TTC39B: variants seen among roughly 807,000 people sequenced by gnomAD.
TTC39B encodes tetratricopeptide repeat protein 39B.
Under a neutral mutation model 96.6 loss-of-function variants are expected in TTC39B, and 92 were observed. The ratio of observed to expected loss-of-function variants is 0.95; its 90% CI spans 0.80 to 1.13. TTC39B has a LOEUF of 1.13. Ranked by LOEUF, TTC39B falls within the 50% of genes most tolerant of loss-of-function variation. TTC39B has a pLI of 0.00. For synonymous variants in TTC39B, 367 were observed against 299.4 expected (o/e 1.23, Z -2.33); for missense variants, 955 against 809.3 (o/e 1.18, Z -2.18).
chr9:15,262,220 T>C (rs1161814398), intron 2 of TTC39B, among the ~76,000 whole-genome samples: 1 of 152,144 alleles, frequency 6.6e-6, no homozygotes, highest in African/African-American at 2.4e-5. Flanking sequence ...TGCCTCAGCC[T>C]CCTGAGTAGC....
intron 11 of TTC39B, among the ~76,000 whole-genome samples, chr9:15,190,219 G>A (rs1818778209): frequency 6.6e-6 from 1 of 151,764 alleles, no homozygotes; most frequent in South Asian, 2.1e-4. Flanking sequence ...TATGACAAAG[G>A]ACACTATTTT....
At position 15,203,843 on chromosome 9, in the gene TTC39B, C is replaced by T. The variant is rs765025786; in HGVS notation, c.739G>A (p.Ala247Thr). 2.5e-6 allele frequency: 4 copies of T among 1,613,418 alleles called. No homozygotes were observed. In the South Asian group the frequency reaches 3.3e-5, roughly 13 times the overall value. Residue 247 changes from alanine (A) to threonine (T), a missense_variant, in exon 7 of 20, where the codon GCT (alanine) becomes ACT (threonine). Ala to Thr is a moderately conservative substitution (Grantham distance 58). Transcript: ENST00000512701. Reference sequence around the variant, plus strand: ...ATTACCTGCACAAACGTGAGTGCAGCTTTCTGTAGGAGACACTCGGCATAA... The same window carrying T: ...ATTACCTGCACAAACGTGAGTGCAGTTTTCTGTAGGAGACACTCGGCATAA...
chr9:15,221,295 C>G (rs1019870970), intron 3 of TTC39B, among the ~76,000 whole-genome samples: 10 of 152,184 alleles, frequency 6.6e-5, no homozygotes, highest in African/African-American at 2.2e-4. Context: ...CTCCCTCCCA[C>G]CACTGACATG....
At chr9:15,246,748 A>T (rs1822297342) in intron 2 of TTC39B, among the ~76,000 whole-genome samples, 1 of 152,254 alleles carries the variant, frequency 6.6e-6, no homozygotes, top group South Asian at 2.1e-4. Context: ...CCCAGCTGAC[A>T]ACCAATACTA....
rs758703117 is a variant in TTC39B, at chr9:15,211,216, A to G, written c.614+50T>C. 2.2e-6 allele frequency: 3 copies of G among 1,386,990 alleles called. No homozygotes were observed. In the African/African-American group the frequency reaches 4.5e-5, roughly 21 times the overall value. The allele number at this position is 1,386,990 out of a possible 1,614,324, so 85.9% of individuals were successfully genotyped here. On this transcript the variant is annotated intron_variant, in intron 5 of 19. Transcript: ENST00000512701. ...GCAAATGACATTATTTTTGTCACAC[A>G]GGCATAAAAGTTTGCAGTCACATCT...
intron 1 of TTC39B, among the ~76,000 whole-genome samples, chr9:15,302,417 C>A (rs967098241): frequency 6.7e-6 from 1 of 149,478 alleles, no homozygotes; most frequent in Non-Finnish European, 1.5e-5. Flanking sequence ...GAGTTCGAGA[C>A]CAGCCTGGCC....
intron 2 of TTC39B, among the ~76,000 whole-genome samples, chr9:15,255,711 T>C (rs946125513): frequency 1.3e-5 from 2 of 152,192 alleles, no homozygotes; most frequent in Non-Finnish European, 2.9e-5. Flanking sequence ...GAGTCAGCCC[T>C]TCAGAGAAAA....
intron 2 of TTC39B, among the ~76,000 whole-genome samples, chr9:15,235,501 G>A (rs1408118169): frequency 6.6e-6 from 1 of 152,060 alleles, no homozygotes; most frequent in Non-Finnish European, 1.5e-5. Flanking sequence ...CTTCACCAAG[G>A]CATATAGTCA....
In TTC39B at chr9:15,191,171, C is replaced by T. The variant is rs74993542; in HGVS notation, c.996+19G>A. The T allele has an allele frequency of 3.2e-6, 5 of 1,543,748 alleles. No individual in the cohort carries two copies. Among genetic ancestry groups the T allele is most frequent in the African/African-American group, 2.7e-5 (2 of 73,032 alleles). On this transcript the variant is annotated intron_variant, in intron 10 of 19. Coordinates refer to ENST00000512701, the Ensembl canonical transcript of TTC39B. ...GTCTTATCTTCCCTGTCAAAATTAA[C>T]ATAAAATTAAATTTGTACCCTATTC...
chr9:15,226,461 T>C (rs937276970), intron 2 of TTC39B, among the ~76,000 whole-genome samples: 3 of 152,232 alleles, frequency 2.0e-5, no homozygotes, highest in Non-Finnish European at 2.9e-5. Context: ...TCATAGCATC[T>C]GCAACATGCT....
chr9:15,179,399 T>C (rs1165023265), intron 17 of TTC39B, among the ~76,000 whole-genome samples: 2 of 152,188 alleles, frequency 1.3e-5, no homozygotes, highest in Non-Finnish European at 2.9e-5. Context: ...CACTTGACTA[T>C]GGAGATTAAC....
At chr9:15,232,581 G>A (rs1249982205) in intron 2 of TTC39B, 1 of 152,216 alleles carries the variant, frequency 6.6e-6, no homozygotes, top group South Asian at 2.1e-4. Context: ...CTGCAAGCAA[G>A]CTCAATGAGA....
At chr9:15,286,933 T>C (rs1003009868) in intron 1 of TTC39B, among the ~76,000 whole-genome samples, 2 of 152,248 alleles carry the variant, frequency 1.3e-5, no homozygotes, top group Non-Finnish European at 2.9e-5. Flanking sequence ...TCTCACAATT[T>C]ATCCCATCTC....
At chr9:15,234,650 T>C (rs1586932504) in intron 2 of TTC39B, among the ~76,000 whole-genome samples, 1 of 151,886 alleles carries the variant, frequency 6.6e-6, no homozygotes, top group Admixed American at 6.6e-5. Flanking sequence ...TAGGGAGAAG[T>C]AGACATGGGA....
chr9:15,210,168 C>T lies in TTC39B; in HGVS notation c.615-4G>A, dbSNP rs1464744253. The T allele has an allele frequency of 6.5e-7, 1 of 1,549,476 alleles. No homozygotes were observed. Among genetic ancestry groups the T allele is most frequent in the Non-Finnish European group, 8.7e-7 (1 of 1,143,734 alleles). ...AACTGTGTATTTTTTCCTGTATCTA[C>T]ATTGAATAAATAAAAAGGGAGATAG... On this transcript the variant is annotated splice_polypyrimidine_tract_variant and splice_region_variant and intron_variant, in intron 5 of 19. Coordinates refer to ENST00000512701, the Ensembl canonical transcript of TTC39B.
At chr9:15,295,909 T>G (rs1824357164) in intron 1 of TTC39B, among the ~76,000 whole-genome samples, 3 of 152,178 alleles carry the variant, frequency 2.0e-5, no homozygotes, top group Middle Eastern at 3.2e-3. Flanking sequence ...TGAGTACTTT[T>G]GGGGGAGGAT....
chr9:15,212,885 C>A (rs1195336326), intron 4 of TTC39B, among the ~76,000 whole-genome samples: 8 of 151,952 alleles, frequency 5.3e-5, no homozygotes. Flanking sequence ...TAAATGGAAG[C>A]AATAACTTCT....
chr9:15,296,742 C>T (rs1824393371), intron 1 of TTC39B, among the ~76,000 whole-genome samples: 1 of 152,208 alleles, frequency 6.6e-6, no homozygotes, highest in Non-Finnish European at 1.5e-5. Context: ...TGATACCCCC[C>T]TGCCTCGGCC....
chr9:15,230,795 G>A (rs1821379067), intron 2 of TTC39B, among the ~76,000 whole-genome samples: 1 of 152,060 alleles, frequency 6.6e-6, no homozygotes, highest in Admixed American at 6.5e-5. Context: ...GACCAGCCTG[G>A]CCAACATGGC....
Sources: allele counts gnomAD v4.1 joint callset (sites outside exome capture counted in the v4.1 genomes callset), GRCh38; gene constraint gnomAD v4.1.1; transcripts MANE v1.5; gene names NCBI Gene and HGNC (gene_info 2026-07-23, HGNC 2026-07-21).